FRMD3: variants seen among roughly 807,000 people sequenced by gnomAD.
FRMD3 encodes the protein FERM domain-containing protein 3.
Under a neutral mutation model 70.2 loss-of-function variants are expected in FRMD3, and 33 were observed. The ratio of observed to expected loss-of-function variants is 0.47; its 90% CI spans 0.36 to 0.63. The LOEUF (loss-of-function observed/expected upper bound fraction) is 0.63, where lower values mean the gene tolerates loss of function less well. FRMD3 is among the 20% of genes least tolerant of loss of function. FRMD3 has a pLI of 0.00. For synonymous variants in FRMD3, 279 were observed against 255.9 expected, an observed-to-expected ratio of 1.09 and a Z score of -0.86; for missense variants, 632 against 711.4, an observed-to-expected ratio of 0.89 and a Z score of 1.27.
chr9:83,311,887 C>A lies in FRMD3; in HGVS notation c.773G>T (p.Trp258Leu). 1 of 1,597,980 alleles carries A rather than the reference C, an allele frequency of 6.3e-7. No homozygotes were observed. Among genetic ancestry groups the A allele is most frequent in the Non-Finnish European group, 8.5e-7 (1 of 1,169,688 alleles). ...GCCAGTTTTCCAAAGAGGCACTTAC[C>A]ATTTTATCAAATGGATTCTCTTATT... is the stretch of plus-strand genomic sequence containing the variant. ...QGNKRIHLIK[W>L]PDVCKLKFEG... Residue 258 changes from tryptophan (W) to leucine (L), a missense_variant and splice_region_variant, in exon 8 of 14, where the codon TGG becomes TTG. Physicochemically the swap from Trp to Leu is moderately conservative, Grantham distance 61. This residue lies in a region of FRMD3 where 418 missense variants were observed against 442.1 expected (regional missense o/e 0.95). Coordinates refer to ENST00000304195, the MANE Select transcript of FRMD3 (RefSeq NM_174938.6).
Position 83,465,044 on chromosome 9 carries a change from A to ACC in FRMD3, c.147+73040_147+73041insGG, listed in dbSNP as rs1828087612. On this transcript the variant is annotated intron_variant, in intron 1 of 13. Coordinates refer to ENST00000304195, the MANE Select transcript of FRMD3 (RefSeq NM_174938.6). ...CAAAAAGAAAAAAAAAAAAAAGAAGAAGAAGCAGCAGCTTAATGAGATGTC... is the reference window on the plus strand; with the variant it reads ...CAAAAAGAAAAAAAAAAAAAAGAAGACCAGAAGCAGCAGCTTAATGAGATGTC... Among the ~76,000 whole-genome samples the ACC allele has an allele frequency of 4.0e-5, 6 of 149,152 alleles. 1 individual carries two copies. In the South Asian group the frequency reaches 1.3e-3, roughly 32 times the overall value.
rs34420024 is a variant in FRMD3 at position 83,282,539 on chromosome 9, A to AT, written c.1195+8063dup. Among the ~76,000 whole-genome samples, 836 of 148,266 alleles carry AT rather than the reference A, an allele frequency of 5.6e-3. 7 individuals are homozygous for AT. Among genetic ancestry groups the AT allele is most frequent in the African/African-American group, 0.02 (785 of 39,930 alleles). On this transcript the variant is annotated intron_variant, in intron 13 of 13. Coordinates refer to ENST00000304195, the MANE Select transcript of FRMD3 (RefSeq NM_174938.6). ...AAAAGACCTCAAGCCACAGTCTTGG[A>AT]TTTTTTTTTTTTTTTTTACCTTGAC...
chr9:83,393,235 T>C (rs1176445359), intron 1 of FRMD3, among the ~76,000 whole-genome samples: 1 of 152,230 alleles, frequency 6.6e-6, no homozygotes, highest in Non-Finnish European at 1.5e-5. Flanking sequence ...CACTGTGACT[T>C]GATTCTTTTT....
At chr9:83,381,972 C>G (rs758289046) in intron 2 of FRMD3, among the ~76,000 whole-genome samples, 2 of 151,980 alleles carry the variant, frequency 1.3e-5, no homozygotes, top group Non-Finnish European at 2.9e-5. Context: ...CCATCCTGAC[C>G]CTTGCATGCC....
At chr9:83,452,172 G>A (rs1010664739) in intron 1 of FRMD3, among the ~76,000 whole-genome samples, 2 of 152,140 alleles carry the variant, frequency 1.3e-5, no homozygotes, top group African/African-American at 4.8e-5. Flanking sequence ...AATCTTTGAT[G>A]CGGTAGACGC....
At chr9:83,496,577 C>A (rs919282979) in intron 1 of FRMD3, among the ~76,000 whole-genome samples, 5 of 152,086 alleles carry the variant, frequency 3.3e-5, no homozygotes, top group African/African-American at 9.7e-5. Context: ...CTGGTGATTT[C>A]TAGGACTAGA....
intron 1 of FRMD3, among the ~76,000 whole-genome samples, chr9:83,454,693 C>T (rs1827768843): frequency 6.6e-6 from 1 of 152,218 alleles, no homozygotes; most frequent in South Asian, 2.1e-4. Context: ...TCCCCTTCTT[C>T]TCCTGGGGTC....
At chr9:83,340,032 T>G (rs927413201) in intron 5 of FRMD3, among the ~76,000 whole-genome samples, 2 of 152,188 alleles carry the variant, frequency 1.3e-5, no homozygotes, top group African/African-American at 2.4e-5. Context: ...TTCAGTATAT[T>G]CTGAGTTTAT....
chr9:83,333,824 T>C (rs1823478630), intron 6 of FRMD3, among the ~76,000 whole-genome samples: 1 of 152,124 alleles, frequency 6.6e-6, no homozygotes, highest in African/African-American at 2.4e-5. Flanking sequence ...GACTCCACTA[T>C]TTACAAAGCA....
chr9:83,346,717 T>C (rs1288892454), intron 4 of FRMD3, among the ~76,000 whole-genome samples: 1 of 152,204 alleles, frequency 6.6e-6, no homozygotes, highest in Non-Finnish European at 1.5e-5. Flanking sequence ...AGAGTGGTGG[T>C]TCTCAAAATT....
At chr9:83,341,898 A>C (rs1823769433) in intron 5 of FRMD3, among the ~76,000 whole-genome samples, 1 of 152,154 alleles carries the variant, frequency 6.6e-6, no homozygotes, top group South Asian at 2.1e-4. Context: ...GGTGGGCCAC[A>C]GGGGAATCCC....
At chr9:83,292,805 G>A (rs989057057) in intron 12 of FRMD3, among the ~76,000 whole-genome samples, 1 of 152,076 alleles carries the variant, frequency 6.6e-6, no homozygotes, top group Non-Finnish European at 1.5e-5. Flanking sequence ...CTGCCACCAT[G>A]CCCAGCTAAT....
At chr9:83,343,488 G>A (rs186164956) in intron 4 of FRMD3, among the ~76,000 whole-genome samples, 31 of 152,106 alleles carry the variant, frequency 2.0e-4, no homozygotes, top group East Asian at 2.0e-4. Flanking sequence ...AGTGTCTGCC[G>A]AGCAGATCTT....
rs186878864 is a variant in FRMD3 at position 83,515,323 on chromosome 9, T to C, written c.147+22762A>G. ...CACAGCACGAAAGCTTCGTGAAGCA[T>C]ACACGAGAATCAATAGGTGAATCAA... On this transcript the variant is annotated intron_variant, in intron 1 of 13. Coordinates refer to ENST00000304195, the MANE Select transcript of FRMD3 (RefSeq NM_174938.6). 4.5e-4 allele frequency among the ~76,000 whole-genome samples: 68 copies of C among 152,212 alleles called. No individual in the cohort carries two copies. In the Middle Eastern group the frequency reaches 0.017, roughly 38 times the overall value.
intron 1 of FRMD3, among the ~76,000 whole-genome samples, chr9:83,432,752 T>TA (rs1398214227): frequency 2.0e-5 from 3 of 152,232 alleles, no homozygotes; most frequent in South Asian, 2.1e-4. Context: ...TTAACAGATT[T>TA]AAAAAAATTT....
At chr9:83,539,682 C>A (rs1427069196), upstream of FRMD3, among the ~76,000 whole-genome samples, 1 of 152,112 alleles carries the variant, frequency 6.6e-6, no homozygotes, top group Non-Finnish European at 1.5e-5. Context: ...TGGGGGAGTC[C>A]GCATTGCATT....
chr9:83,342,383 C>T (rs140469347), intron 5 of FRMD3, among the ~76,000 whole-genome samples: 32 of 152,292 alleles, frequency 2.1e-4, no homozygotes, highest in East Asian at 1.9e-3. Context: ...AATGGGCCTG[C>T]GCTACCCCTG....
chr9:83,503,076 G>A (rs1357241155), intron 1 of FRMD3, among the ~76,000 whole-genome samples: 1 of 152,098 alleles, frequency 6.6e-6, no homozygotes, highest in Non-Finnish European at 1.5e-5. Context: ...CTATTGGGAA[G>A]GGCAGAATTT....
At chr9:83,577,671 A>T in the FRMD3 span, among the ~76,000 whole-genome samples, 12,658 of 152,074 alleles carry the variant, frequency 0.083, 661 homozygotes, top group Middle Eastern at 0.2. Context: ...TGACACAAAA[A>T]GCACAAGCAA....
Sources: gnomAD v4.1 joint callset for allele counts (sites outside exome capture counted in the v4.1 genomes callset) on GRCh38, gnomAD v4.1.1 for gene constraint, gnomAD v4.1.1 regional missense constraint, MANE v1.5 for transcripts, NCBI Gene and HGNC (gene_info 2026-07-23, HGNC 2026-07-21) for gene names.